The following PSKH1 variants were observed in gnomAD, a reference collection of about 807,000 sequenced individuals.
The protein encoded by PSKH1 is serine/threonine-protein kinase H1.
PSKH1 carries 12 observed loss-of-function variants against 26.7 expected under a neutral mutation model. The ratio of observed to expected loss-of-function variants is 0.45; its 90% CI spans 0.29 to 0.73. The LOEUF is 0.73. Ranked by LOEUF, PSKH1 falls within the 30% of genes least tolerant of loss-of-function variation. The pLI, the probability that PSKH1 is intolerant of heterozygous loss-of-function variation, is 0.11. For missense variants in PSKH1, 431 were observed against 595.2 expected (o/e 0.72, Z 2.87); for synonymous variants, 213 against 234.3 (o/e 0.91, Z 0.83).
chr16:67,894,879 T>A (rs1051780086), intron 1 of PSKH1, among the ~76,000 whole-genome samples: 1 of 151,978 alleles, frequency 6.6e-6, no homozygotes, highest in Non-Finnish European at 1.5e-5. Context: ...TCTCCTGGGA[T>A]AATTTTGTGA....
intron 2 of PSKH1, among the ~76,000 whole-genome samples, chr16:67,924,882 T>C (rs1262455373): frequency 6.6e-6 from 1 of 152,202 alleles, no homozygotes; most frequent in Non-Finnish European, 1.5e-5. Context: ...CTACAGTGAA[T>C]GTCTGTGGTC....
chr16:67,908,067 G>A (rs1478960965), intron 1 of PSKH1, among the ~76,000 whole-genome samples: 1 of 152,132 alleles, frequency 6.6e-6, no homozygotes, highest in Non-Finnish European at 1.5e-5. Context: ...GAGTGAGGAG[G>A]GTGGGCGCCC....
At chr16:67,901,604 A>G (rs547879853) in intron 1 of PSKH1, among the ~76,000 whole-genome samples, 7 of 148,500 alleles carry the variant, frequency 4.7e-5, no homozygotes, top group African/African-American at 1.5e-4. Context: ...AAGTGCTAGG[A>G]TTACAGGCGT....
intron 2 of PSKH1, among the ~76,000 whole-genome samples, chr16:67,912,843 G>A (rs969003487): frequency 7.2e-5 from 11 of 151,978 alleles, no homozygotes; most frequent in African/African-American, 2.7e-4. Flanking sequence ...ACTTCAGCCT[G>A]GGCAACAAGA....
At chr16:67,894,630 C>T (rs527564226) in intron 1 of PSKH1, among the ~76,000 whole-genome samples, 1 of 152,314 alleles carries the variant, frequency 6.6e-6, no homozygotes, top group South Asian at 2.1e-4. Context: ...CATGCTGCTA[C>T]TATTGAGTAC....
intron 1 of PSKH1, among the ~76,000 whole-genome samples, chr16:67,905,952 T>C (rs941740057): frequency 3.9e-5 from 6 of 152,216 alleles, no homozygotes; most frequent in Non-Finnish European, 8.8e-5. Flanking sequence ...GTGTGTGTGT[T>C]AAAATATAAC....
Position 67,929,625 on chromosome 16 carries a change from CTG to C in PSKH1, c.*1985_*1986del, listed in dbSNP as rs1334730519. 2.4e-6 allele frequency: 1 copy of C among 414,246 alleles called. No individual in the cohort carries two copies. Among genetic ancestry groups the C allele is most frequent in the African/African-American group, 2.0e-5 (1 of 50,464 alleles). The allele number at this position is 414,246 out of a possible 1,614,324, so 25.7% of individuals were successfully genotyped here. On this transcript the variant is annotated 3_prime_UTR_variant, in exon 3 of 3. Transcript: ENST00000291041. ...CGTATTCAGTTTGTAAACGTATCCT[CTG>C]TATTCAGTAAACAGGCTGCCTCTCC...
Position 67,927,208 on chromosome 16 carries a change from T to G in PSKH1, c.958-117T>G. ...GGGCGGGGAGGCCCCAAGTGCTACA[T>G]GAGAGGAGGGGCAGCACCTCTCTCT... On this transcript the variant is annotated intron_variant, in intron 2 of 2. Transcript: ENST00000291041. This position sits in a 1 kb window ranked among gnomAD's most constrained non-coding sequence, Gnocchi z 5.5. 9.4e-7 allele frequency: 1 copy of G among 1,067,810 alleles called. No individual in the cohort carries two copies. The highest frequency in any genetic ancestry group is 1.4e-6 in the Non-Finnish European group (1 of 735,888). The allele number at this position is 1,067,810 out of a possible 1,614,324, so 66.1% of individuals were successfully genotyped here. A position where few individuals can be genotyped will look rare whatever the true frequency, so the allele number is the denominator to read the frequency against.
In PSKH1 at chr16:67,909,691, C is replaced by T. The variant is rs761777581; in HGVS notation, c.942C>T (p.Tyr314=). Residue 314 remains tyrosine, a synonymous_variant, in exon 2 of 3, where the codon TAC becomes TAT. Coordinates refer to ENST00000291041, the MANE Select transcript of PSKH1 (RefSeq NM_006742.3). The surrounding 1 kb of genome is among the most constrained non-coding windows in gnomAD (Gnocchi z 7.8). ...ACCGGCAGATCCTCAGGGGCAAGTACAGTTACTCTGGGGAGGTGAGTCTGT... is the reference window on the plus strand; with the variant it reads ...ACCGGCAGATCCTCAGGGGCAAGTATAGTTACTCTGGGGAGGTGAGTCTGT... ...RLYRQILRGK[Y]SYSGEPWPSV... 6.2e-7 allele frequency: 1 copy of T among 1,611,646 alleles called. No homozygotes were observed. Among genetic ancestry groups the T allele is most frequent in the South Asian group, 1.1e-5 (1 of 90,990 alleles).
At chr16:67,898,312 C>T (rs557009235) in intron 1 of PSKH1, among the ~76,000 whole-genome samples, 24 of 152,106 alleles carry the variant, frequency 1.6e-4, no homozygotes, top group Admixed American at 9.2e-4. Context: ...GGCTGAGGCA[C>T]GAGAACCGCT....
At position 67,909,541 on chromosome 16, in the gene PSKH1, T is replaced by C. The variant is rs769017479; in HGVS notation, c.792T>C (p.Ile264=). ...CCACCTGTGGCACGCCTGAGTACAT[T>C]GCCCCAGAAGTCCTGGTCCGCAAGC... ...MKTTCGTPEY[I]APEVLVRKPY... The change falls in exon 2 of 3, where the codon ATT becomes ATC. Residue 264 remains isoleucine, a synonymous_variant. Transcript: ENST00000291041. The surrounding 1 kb of genome is among the most constrained non-coding windows in gnomAD (Gnocchi z 7.8). 26 of 1,613,906 alleles carry C rather than the reference T, an allele frequency of 1.6e-5. No individual in the cohort carries two copies. The highest frequency in any genetic ancestry group is 2.0e-5 in the Non-Finnish European group (24 of 1,180,048).
chr16:67,927,290 A>G lies in PSKH1; in HGVS notation c.958-35A>G. On this transcript the variant is annotated intron_variant, in intron 2 of 2. Transcript: ENST00000291041. This position sits in a 1 kb window ranked among gnomAD's most constrained non-coding sequence, Gnocchi z 5.5. ...ATCCAGATGGGGTGGGCAGTGTCAGATGCTCTCACTCTAATGCTTGTCCTT... is the reference window on the plus strand; with the variant it reads ...ATCCAGATGGGGTGGGCAGTGTCAGGTGCTCTCACTCTAATGCTTGTCCTT... 1.9e-6 allele frequency: 3 copies of G among 1,565,418 alleles called. No individual in the cohort carries two copies. Among genetic ancestry groups the G allele is most frequent in the Non-Finnish European group, 1.7e-6 (2 of 1,150,666 alleles).
rs547721157 is a variant in PSKH1 at position 67,895,456 on chromosome 16, T to C, written c.-71+2085T>C. The stretch of plus-strand genomic sequence containing the variant: ...TGGAGTCTTGCTCTGACACCCAGGC[T>C]GGAGTGCAGTGGTGCGATCTCGGCT... On this transcript the variant is annotated intron_variant, in intron 1 of 2. Transcript: ENST00000291041. Among the ~76,000 whole-genome samples the C allele has an allele frequency of 1.2e-4, 18 of 151,556 alleles. No individual in the cohort carries two copies. In the South Asian group the frequency reaches 2.9e-3, roughly 25 times the overall value.
chr16:67,917,033 G>A (rs775873795), intron 2 of PSKH1, among the ~76,000 whole-genome samples: 14 of 152,186 alleles, frequency 9.2e-5, no homozygotes, highest in Non-Finnish European at 1.6e-4. Flanking sequence ...AACTGTTCAC[G>A]CTGCTCCCAG....
Position 67,909,421 on chromosome 16 carries a change from G to T in PSKH1, c.672G>T (p.Leu224=). Residue 224 remains leucine (L), a synonymous_variant, in exon 2 of 3, where the codon CTG becomes CTT. Coordinates refer to ENST00000291041, the MANE Select transcript of PSKH1 (RefSeq NM_006742.3). This position sits in a 1 kb window ranked among gnomAD's most constrained non-coding sequence, Gnocchi z 7.8. ...ACCGAGACCTCAAACCTGAGAATCT[G>T]CTCTACTACCATCCGGGCACTGACT... ...ITHRDLKPEN[L]LYYHPGTDSK... The T allele has an allele frequency of 1.2e-6, 2 of 1,613,520 alleles. No individual in the cohort carries two copies. Among genetic ancestry groups the T allele is most frequent in the Non-Finnish European group, 1.7e-6 (2 of 1,180,002 alleles).
At position 67,893,277 on chromosome 16, in the gene PSKH1, TGGCGGC is replaced by T. The variant is rs527336120; in HGVS notation, c.-143_-138del. ...ACGCCACGACGCTAACGCCCGAGAATGGCGGCGGCGGCGGCGGCGGCGGCGGCCGCT... is the reference window on the plus strand; with the variant it reads ...ACGCCACGACGCTAACGCCCGAGAATGGCGGCGGCGGCGGCGGCGGCCGCT... On this transcript the variant is annotated 5_prime_UTR_variant, in exon 1 of 3. Coordinates refer to ENST00000291041, the MANE Select transcript of PSKH1 (RefSeq NM_006742.3). The T allele has an allele frequency of 4.7e-3, 747 of 159,248 alleles. No homozygotes were observed. Among genetic ancestry groups the T allele is most frequent in the African/African-American group, 7.8e-3 (317 of 40,794 alleles). The allele number at this position is 159,248 out of a possible 1,614,324, so 9.9% of individuals were successfully genotyped here.
chr16:67,916,814 T>C (rs1377452302), intron 2 of PSKH1, among the ~76,000 whole-genome samples: 1 of 152,054 alleles, frequency 6.6e-6, no homozygotes, highest in Non-Finnish European at 1.5e-5. Context: ...GAGTCCTAGC[T>C]CTGCAGGAGG....
chr16:67,897,248 G>T (rs941790183), intron 1 of PSKH1, among the ~76,000 whole-genome samples: 1 of 152,208 alleles, frequency 6.6e-6, no homozygotes, highest in Non-Finnish European at 1.5e-5. Flanking sequence ...AAGGGAAGCA[G>T]TTCTGCTTGT....
intron 1 of PSKH1, among the ~76,000 whole-genome samples, chr16:67,904,287 C>T (rs1598187498): frequency 6.6e-6 from 1 of 151,840 alleles, no homozygotes; most frequent in African/African-American, 2.4e-5. Context: ...TCGCTGCAAC[C>T]TCTGCCTCCT....
Sources: allele counts gnomAD v4.1 joint callset (sites outside exome capture counted in the v4.1 genomes callset), GRCh38; gene constraint gnomAD v4.1.1; non-coding constraint Gnocchi (gnomAD v3.1); transcripts MANE v1.5; gene names NCBI Gene and HGNC (gene_info 2026-07-23, HGNC 2026-07-21).